NCALD: variants seen among roughly 807,000 people sequenced by gnomAD.
NCALD encodes neurocalcin-delta.
In NCALD, 10 loss-of-function variants were observed where a neutral mutation model predicts 18.6. The ratio of observed to expected loss-of-function variants is 0.54; its 90% CI spans 0.33 to 0.91. The LOEUF (loss-of-function observed/expected upper bound fraction) is 0.91, where lower values mean the gene tolerates loss of function less well. NCALD is among the 40% of genes least tolerant of loss of function. NCALD has a pLI of 0.03. For synonymous variants in NCALD, 88 were observed against 87.4 expected, an observed-to-expected ratio of 1.01 and a Z score of -0.04; for missense variants, 184 against 247.6, an observed-to-expected ratio of 0.74 and a Z score of 1.72.
intron 1 of NCALD, among the ~76,000 whole-genome samples, chr8:102,086,382 A>G (rs533450117): frequency 6.6e-6 from 1 of 152,330 alleles, no homozygotes; most frequent in African/African-American, 2.4e-5. Flanking sequence ...CTTATTCCCA[A>G]TGAATCTAAT....
At chr8:101,910,698 T>A (rs1382969873) in intron 3 of NCALD, among the ~76,000 whole-genome samples, 1 of 152,170 alleles carries the variant, frequency 6.6e-6, no homozygotes, top group Non-Finnish European at 1.5e-5. Context: ...TCTATTCCCA[T>A]AATAAATAGA....
chr8:102,082,816 G>T (rs1449767943), intron 1 of NCALD, among the ~76,000 whole-genome samples: 1 of 152,174 alleles, frequency 6.6e-6, no homozygotes, highest in African/African-American at 2.4e-5. Context: ...CCACCGCAGG[G>T]CGCAACTGTA....
At chr8:101,827,953 G>T (rs374846435) in intron 4 of NCALD, among the ~76,000 whole-genome samples, 1 of 152,312 alleles carries the variant, frequency 6.6e-6, no homozygotes, top group African/African-American at 2.4e-5. Context: ...TAATTTTGTA[G>T]GGCTGAGGCA....
chr8:101,706,377 T>C (rs1185998959), intron 2 of NCALD, among the ~76,000 whole-genome samples: 1 of 151,898 alleles, frequency 6.6e-6, no homozygotes, highest in African/African-American at 2.4e-5. Flanking sequence ...TTCTGGAATA[T>C]TGGCTTTGTA....
intron 4 of NCALD, among the ~76,000 whole-genome samples, chr8:101,835,279 C>CT (rs1814365300): frequency 6.6e-6 from 1 of 152,236 alleles, no homozygotes; most frequent in Admixed American, 6.5e-5. Context: ...CATCATATGG[C>CT]TCTGCAATAC....
chr8:101,919,314 G>A (rs1450277107), intron 2 of NCALD, among the ~76,000 whole-genome samples: 2 of 152,076 alleles, frequency 1.3e-5, no homozygotes, highest in African/African-American at 4.8e-5. Flanking sequence ...TGCTCAGATA[G>A]CTGGCTAGCC....
intron 4 of NCALD, among the ~76,000 whole-genome samples, chr8:101,828,100 A>C (rs1814015638): frequency 6.6e-6 from 1 of 152,132 alleles, no homozygotes; most frequent in African/African-American, 2.4e-5. Context: ...GCCGTTTCTC[A>C]CCTTGATCCC....
intron 1 of NCALD, among the ~76,000 whole-genome samples, chr8:101,719,906 C>G (rs532374720): frequency 5.9e-5 from 9 of 152,232 alleles, no homozygotes; most frequent in African/African-American, 2.2e-4. Context: ...ATCCTGAAAG[C>G]AAAAGGTTCA....
chr8:101,758,833 CTT>C (rs5893584), intron 1 of NCALD, among the ~76,000 whole-genome samples: 1 of 151,838 alleles, frequency 6.6e-6, no homozygotes, highest in African/African-American at 2.4e-5. Context: ...GTGTAAAATA[CTT>C]TTTTTTTGTA....
chr8:101,768,399 T>C (rs1258216817), intron 1 of NCALD, among the ~76,000 whole-genome samples: 4 of 151,496 alleles, frequency 2.6e-5, no homozygotes, highest in South Asian at 2.1e-4. Context: ...GGGCGGCCAA[T>C]GAGAAAACCA....
At position 101,861,457 on chromosome 8, in the gene NCALD, G is replaced by A. The variant is rs183628729; in HGVS notation, c.-20+25684C>T. ...ACATGGGTGGAACACACAGGTAGGAGGAGCAGAGGGAACAAAGACCTCATG... is the reference window on the plus strand; with the variant it reads ...ACATGGGTGGAACACACAGGTAGGAAGAGCAGAGGGAACAAAGACCTCATG... On this transcript the variant is annotated intron_variant, in intron 4 of 6. Transcript: ENST00000311028. Among the ~76,000 whole-genome samples the A allele has an allele frequency of 1.8e-4, 28 of 151,892 alleles. No homozygotes were observed. The East Asian group carries it at 4.9e-3, about 26-fold the overall frequency.
intron 2 of NCALD, among the ~76,000 whole-genome samples, chr8:101,920,492 G>A (rs970510451): frequency 6.6e-6 from 1 of 152,076 alleles, no homozygotes; most frequent in African/African-American, 2.4e-5. Flanking sequence ...CCCATCAATG[G>A]TGAATTAGAT....
intron 4 of NCALD, among the ~76,000 whole-genome samples, chr8:101,868,468 C>T (rs892378953): frequency 2.6e-5 from 4 of 152,142 alleles, no homozygotes; most frequent in African/African-American, 9.7e-5. Flanking sequence ...ACTTGTCACA[C>T]CTAAGTAACA....
intron 2 of NCALD, among the ~76,000 whole-genome samples, chr8:101,697,028 T>A (rs1815025798): frequency 2.1e-5 from 3 of 145,372 alleles, no homozygotes; most frequent in Admixed American, 1.4e-4. Flanking sequence ...TTTGAAAAAA[T>A]TAACAAAATA....
intron 1 of NCALD, among the ~76,000 whole-genome samples, chr8:102,048,145 TAAGTTA>T (rs1160717941): frequency 5.9e-5 from 9 of 152,216 alleles, no homozygotes; most frequent in Admixed American, 5.9e-4. Flanking sequence ...ATTGGAGCTT[TAAGTTA>T]TACACAGAAT....
chr8:101,699,772 C>T (rs547086713), intron 2 of NCALD, among the ~76,000 whole-genome samples: 1 of 151,930 alleles, frequency 6.6e-6, no homozygotes, highest in African/African-American at 2.4e-5. Context: ...GGGTGGGGGT[C>T]AAGGGGAGGG....
At chr8:101,816,058 T>C (rs181104958) in intron 4 of NCALD, among the ~76,000 whole-genome samples, 4 of 152,282 alleles carry the variant, frequency 2.6e-5, no homozygotes, top group Admixed American at 2.6e-4. Flanking sequence ...ACATACTGTA[T>C]GATTCCAACT....
chr8:101,797,531 T>C (rs777346122), intron 4 of NCALD, among the ~76,000 whole-genome samples: 43 of 152,280 alleles, frequency 2.8e-4, no homozygotes, highest in Non-Finnish European at 5.7e-4. Context: ...TAAAAATGAA[T>C]GTGGAGGCCA....
chr8:101,990,748 G>T (rs927583904), intron 2 of NCALD, among the ~76,000 whole-genome samples: 1 of 152,094 alleles, frequency 6.6e-6, no homozygotes, highest in Admixed American at 6.5e-5. Context: ...CCAGTCTAAG[G>T]TATATCTTTA....
Sources: gnomAD v4.1 joint callset for allele counts (sites outside exome capture counted in the v4.1 genomes callset) on GRCh38, gnomAD v4.1.1 for gene constraint, MANE v1.5 for transcripts, NCBI Gene and HGNC (gene_info 2026-07-23, HGNC 2026-07-21) for gene names.